Variants in SLAMF9 observed in about 807,000 individuals in gnomAD.
SLAMF9 encodes SLAM family member 9.
In SLAMF9, 25 loss-of-function variants were observed where a neutral mutation model predicts 30.4. That is an observed-to-expected ratio of 0.82 (90% CI 0.60 to 1.15). The LOEUF (loss-of-function observed/expected upper bound fraction) is 1.15, where lower values mean the gene tolerates loss of function less well. Among genes scored for constraint, SLAMF9 ranks in the 50% most tolerant of loss-of-function variants. The pLI is 0.00. For synonymous variants in SLAMF9, 129 were observed against 127.2 expected, an observed-to-expected ratio of 1.01 and a Z score of -0.09; for missense variants, 344 against 346.1, an observed-to-expected ratio of 0.99 and a Z score of 0.05.
At chr1:159,983,963 C>G in the SLAMF9 span, 1 of 152,292 alleles carries the variant, frequency 6.6e-6, no homozygotes, top group African/African-American at 2.4e-5. Flanking sequence ...AGTGCCTTTC[C>G]CTGCAGCAGC....
the SLAMF9 span, chr1:159,973,368 A>T: frequency 2.6e-5 from 14 of 546,102 alleles, no homozygotes; most frequent in Admixed American, 1.3e-4. Flanking sequence ...TACTCAGTCC[A>T]GGCTGCAGCC....
the SLAMF9 span, among the ~76,000 whole-genome samples, chr1:159,969,942 CA>C: frequency 0.011 from 1,655 of 152,202 alleles, 13 homozygotes; most frequent in South Asian, 0.033. Flanking sequence ...CCCAGCTACT[CA>C]GGAGGCTGAG....
At chr1:159,983,533 T>G in the SLAMF9 span, 1 of 152,240 alleles carries the variant, frequency 6.6e-6, no homozygotes, top group Non-Finnish European at 1.5e-5. Context: ...GTTTGTTTTT[T>G]GCTTGAGTTA....
At chr1:159,960,560 G>A in the SLAMF9 span, among the ~76,000 whole-genome samples, 1 of 150,968 alleles carries the variant, frequency 6.6e-6, no homozygotes, top group Non-Finnish European at 1.5e-5. Context: ...CCACCTCCCA[G>A]GTTCAAGCAA....
At chr1:159,954,447 C>T (rs952794215), upstream of SLAMF9, among the ~76,000 whole-genome samples, 1 of 152,198 alleles carries the variant, frequency 6.6e-6, no homozygotes, top group Non-Finnish European at 1.5e-5. Flanking sequence ...AGACTTCCTA[C>T]CCGCCCCAGG....
At chr1:159,963,037 G>T in the SLAMF9 span, among the ~76,000 whole-genome samples, 30 of 152,196 alleles carry the variant, frequency 2.0e-4, no homozygotes, top group Non-Finnish European at 4.4e-5. Flanking sequence ...GAGATGGTGG[G>T]TGGGCAGTGT....
At chr1:159,981,512 C>T in the SLAMF9 span, among the ~76,000 whole-genome samples, 1 of 152,240 alleles carries the variant, frequency 6.6e-6, no homozygotes, top group Non-Finnish European at 1.5e-5. Context: ...CCTCACAAGC[C>T]AGAGGGGAAA....
chr1:159,958,939 T>C (rs1651984374), upstream of SLAMF9, among the ~76,000 whole-genome samples: 1 of 152,192 alleles, frequency 6.6e-6, no homozygotes, highest in Non-Finnish European at 1.5e-5. Context: ...AATGAGTACT[T>C]CCTGTGCCAT....
At chr1:159,979,892 A>G in the SLAMF9 span, among the ~76,000 whole-genome samples, 1 of 152,100 alleles carries the variant, frequency 6.6e-6, no homozygotes, top group Non-Finnish European at 1.5e-5. Context: ...TTGAGAAGGG[A>G]TTTGGAGGCA....
In SLAMF9 at chr1:159,953,352, T is replaced by C; in HGVS notation, c.348A>G (p.Thr116=). 3.1e-6 allele frequency: 5 copies of C among 1,612,806 alleles called. No homozygotes were observed. The highest frequency in any genetic ancestry group is 4.2e-6 in the Non-Finnish European group (5 of 1,178,830). The part of the protein sequence containing the change: ...GLYQAQVNLR[T]SQISTMQQYN... ...ACTGCTGCATGGTAGAGATCTGGGA[T>C]GTTCTCAGGTTGACTTGAGCTTGGT... The change falls in exon 2 of 4, where the codon ACA becomes ACG. Residue 116 remains threonine, a synonymous_variant. Coordinates refer to ENST00000368093, the MANE Select transcript of SLAMF9 (RefSeq NM_033438.4).
At chr1:159,978,267 C>T in the SLAMF9 span, among the ~76,000 whole-genome samples, 32 of 152,030 alleles carry the variant, frequency 2.1e-4, 1 homozygote. Context: ...CAGGACAAGA[C>T]TTAGGGGTGG....
chr1:159,959,085 A>G (rs1379018188), upstream of SLAMF9, among the ~76,000 whole-genome samples: 1 of 152,066 alleles, frequency 6.6e-6, no homozygotes, highest in African/African-American at 2.4e-5. Context: ...GCCTCTCTGA[A>G]TCTGTTCTCC....
Position 159,953,454 on chromosome 1 carries a change from G to C in SLAMF9, c.246C>G (p.Tyr82Ter). 6.2e-7 allele frequency: 1 copy of C among 1,614,208 alleles called. No homozygotes were observed. The highest frequency in any genetic ancestry group is 2.2e-5 in the East Asian group (1 of 44,884). The stretch of plus-strand genomic sequence containing the variant: ...GGTCCAGGAAGCTCACTTGGCCCTG[G>C]TAGTGTGGATTGGTCACCATGATGG... ...PATIMVTNPH[Y>*]QGQVSFLDPS... The change falls in exon 2 of 4, where the codon TAC (tyrosine) becomes TAG (stop). Residue 82 changes from tyrosine (Y) to a stop codon, truncating the protein, a stop_gained. Transcript: ENST00000368093. LOFTEE classifies it high-confidence loss of function.
chr1:159,952,241 G>T, intron 3 of SLAMF9, 21 bp downstream of exon 3: 4 of 1,612,862 alleles, frequency 2.5e-6, no homozygotes, highest in South Asian at 1.1e-5. Context: ...AGCTCAGGGG[G>T]TGTCTCAGGG....
chr1:159,957,347 C>G (rs143983742), upstream of SLAMF9, among the ~76,000 whole-genome samples: 1,662 of 152,010 alleles, frequency 0.011, 22 homozygotes, highest in Non-Finnish European at 0.013. Flanking sequence ...TAAAACAGGC[C>G]AGGCACAGTG....
the SLAMF9 span, among the ~76,000 whole-genome samples, chr1:159,974,962 T>G: frequency 3.9e-3 from 591 of 152,278 alleles, 3 homozygotes; most frequent in Non-Finnish European, 5.7e-3. Flanking sequence ...TCCCTGAGCA[T>G]AGGCCCGGGT....
the SLAMF9 span, among the ~76,000 whole-genome samples, chr1:159,961,569 A>T: frequency 4.6e-5 from 7 of 152,194 alleles, no homozygotes; most frequent in East Asian, 1.3e-3. Context: ...GTGATTATTC[A>T]ATTGAACCAT....
At chr1:159,959,350 C>A in the SLAMF9 span, among the ~76,000 whole-genome samples, 3,474 of 152,078 alleles carry the variant, frequency 0.023, 61 homozygotes, top group Middle Eastern at 0.055. Flanking sequence ...CTTTGCAACT[C>A]CTTCATCAGC....
At chr1:159,970,741 T>C in the SLAMF9 span, among the ~76,000 whole-genome samples, 1 of 152,132 alleles carries the variant, frequency 6.6e-6, no homozygotes, top group Non-Finnish European at 1.5e-5. Context: ...AAGAATACAG[T>C]CTACACAGGA....
Sources: gnomAD v4.1 joint callset for allele counts (sites outside exome capture counted in the v4.1 genomes callset) on GRCh38, gnomAD v4.1.1 for gene constraint, MANE v1.5 for transcripts, NCBI Gene and HGNC (gene_info 2026-07-23, HGNC 2026-07-21) for gene names.